The following ARHGAP26 variants were observed in gnomAD, a reference collection of about 807,000 sequenced individuals.
ARHGAP26 encodes rho GTPase-activating protein 26.
In ARHGAP26, 38 loss-of-function variants were observed where a neutral mutation model predicts 104.8. The ratio of observed to expected loss-of-function variants is 0.36; its 90% CI spans 0.28 to 0.48. ARHGAP26 has a LOEUF of 0.48. Among genes scored for constraint, ARHGAP26 ranks in the 20% least tolerant of loss-of-function variants. ARHGAP26 has a pLI of 0.99. For synonymous variants in ARHGAP26, 341 were observed against 340.0 expected (o/e 1.00, Z -0.03); for missense variants, 704 against 947.9 (o/e 0.74, Z 3.38).
In ARHGAP26 at chr5:143,182,970, G is replaced by A. The variant is rs1421477281; in HGVS notation, c.1989-24228G>A. ...GGGAAGTGCCCCAGCAGGCCCCGTGGTTGTCTGGCTTTGTTGACTGTCTGA... is the reference window on the plus strand; with the variant it reads ...GGGAAGTGCCCCAGCAGGCCCCGTGATTGTCTGGCTTTGTTGACTGTCTGA... On this transcript the variant is annotated intron_variant, in intron 20 of 22. Coordinates refer to ENST00000645722, the MANE Select transcript of ARHGAP26 (RefSeq NM_001135608.3). Among the ~76,000 whole-genome samples the A allele has an allele frequency of 6.6e-5, 10 of 150,384 alleles. No homozygotes were observed. In the East Asian group the frequency reaches 1.8e-3, roughly 27 times the overall value.
intron 1 of ARHGAP26, among the ~76,000 whole-genome samples, chr5:142,830,112 A>G (rs536835308): frequency 1.3e-5 from 2 of 152,368 alleles, no homozygotes; most frequent in Admixed American, 1.3e-4. Context: ...GCCAAGCCTC[A>G]GGAACATAGC....
At chr5:143,052,839 T>G (rs1257836422) in intron 14 of ARHGAP26, among the ~76,000 whole-genome samples, 3 of 152,216 alleles carry the variant, frequency 2.0e-5, no homozygotes, top group Non-Finnish European at 4.4e-5. Flanking sequence ...GAAAGGCTGT[T>G]GGTCCTGCAG....
rs1043856615 is a variant in ARHGAP26 at position 142,959,217 on chromosome 5, G to A, written c.1107+27092G>A. ...CATTTGTACAGATGATAGAACAAAA[G>A]CACATTCATTTATTTTATCATTCTT... On this transcript the variant is annotated intron_variant, in intron 11 of 22. Coordinates refer to ENST00000645722, the MANE Select transcript of ARHGAP26 (RefSeq NM_001135608.3). Among the ~76,000 whole-genome samples the A allele has an allele frequency of 7.9e-5, 12 of 152,174 alleles. 1 individual carries two copies. Among genetic ancestry groups the A allele is most frequent in the Admixed American group, 3.9e-4 (6 of 15,282 alleles).
chr5:142,913,035 C>G (rs150046234), intron 9 of ARHGAP26, among the ~76,000 whole-genome samples, 164 bp from the exon 10 acceptor site: 28 of 152,296 alleles, frequency 1.8e-4, no homozygotes, highest in Non-Finnish European at 4.0e-4. Flanking sequence ...CTGCATGAGG[C>G]TTTGTCCTGG....
intron 19 of ARHGAP26, among the ~76,000 whole-genome samples, chr5:143,138,651 A>G (rs972546518): frequency 3.9e-5 from 6 of 152,194 alleles, no homozygotes; most frequent in African/African-American, 1.4e-4. Context: ...AGAGAACTGT[A>G]GAAAGGTGAT....
In ARHGAP26 at chr5:143,189,332, C is replaced by A. The variant is rs77529614; in HGVS notation, c.1989-17866C>A. On this transcript the variant is annotated intron_variant, in intron 20 of 22. Transcript: ENST00000645722. ...AAAAAAGATGCACTTGGGCTTAAGACAGTGAGCCCTCAGCAGTCTACTTTG... is the reference window on the plus strand; with the variant it reads ...AAAAAAGATGCACTTGGGCTTAAGAAAGTGAGCCCTCAGCAGTCTACTTTG... Among the ~76,000 whole-genome samples the A allele has an allele frequency of 4.0e-3, 606 of 152,308 alleles. 7 individuals are homozygous for A. In the South Asian group the frequency reaches 0.054, roughly 14 times the overall value.
intron 8 of ARHGAP26, 172 bp from the exon 9 acceptor site, chr5:142,907,532 G>A (rs1349994505): frequency 8.2e-6 from 3 of 365,454 alleles, no homozygotes; most frequent in Middle Eastern, 1.5e-3. Context: ...GAGCCTGTGG[G>A]ATCAGATTTC....
intron 12 of ARHGAP26, 140 bp downstream of exon 12, chr5:143,014,256 C>T (rs1779287893): frequency 1.1e-6 from 1 of 878,504 alleles, no homozygotes; most frequent in South Asian, 1.4e-5. Flanking sequence ...TGGGACATGC[C>T]TCCACCCCAA....
intron 4 of ARHGAP26, among the ~76,000 whole-genome samples, chr5:142,882,299 C>G (rs1307572552): frequency 6.6e-6 from 1 of 152,186 alleles, no homozygotes; most frequent in Non-Finnish European, 1.5e-5. Flanking sequence ...GAGTGAACTC[C>G]TATCAAATGC....
intron 1 of ARHGAP26, among the ~76,000 whole-genome samples, chr5:142,800,529 A>G (rs771083151): frequency 4.0e-5 from 6 of 151,754 alleles, no homozygotes; most frequent in Non-Finnish European, 8.8e-5. Flanking sequence ...CGCTCAGCTA[A>G]TTTTTGTATT....
intron 1 of ARHGAP26, among the ~76,000 whole-genome samples, chr5:142,837,078 T>C (rs1769724020): frequency 6.6e-6 from 1 of 152,236 alleles, no homozygotes; most frequent in East Asian, 1.9e-4. Flanking sequence ...AAATTCATTA[T>C]CTGGAACTTC....
chr5:142,913,744 C>G (rs1404699349), intron 10 of ARHGAP26, among the ~76,000 whole-genome samples: 2 of 152,074 alleles, frequency 1.3e-5, no homozygotes, highest in Non-Finnish European at 2.9e-5. Context: ...AATAAAAAAA[C>G]AGCTTTTAGT....
At chr5:143,138,302 G>C (rs867542540) in intron 19 of ARHGAP26, among the ~76,000 whole-genome samples, 16 of 152,322 alleles carry the variant, frequency 1.1e-4, no homozygotes, top group African/African-American at 3.8e-4. Flanking sequence ...TAGGCAATGT[G>C]TGATGGAAAT....
At chr5:143,151,609 T>C (rs1599252840) in intron 20 of ARHGAP26, among the ~76,000 whole-genome samples, 2 of 152,244 alleles carry the variant, frequency 1.3e-5, no homozygotes, top group South Asian at 4.2e-4. Context: ...AAAAGTGAAC[T>C]CTCCAGCCAT....
At chr5:142,990,902 C>CG (rs1775501646) in intron 11 of ARHGAP26, among the ~76,000 whole-genome samples, 1 of 152,158 alleles carries the variant, frequency 6.6e-6, no homozygotes, top group Non-Finnish European at 1.5e-5. Context: ...TTAGGCTACT[C>CG]GGGGGTCAGG....
At chr5:143,140,292 C>T (rs1206514589) in intron 19 of ARHGAP26, among the ~76,000 whole-genome samples, 1 of 152,098 alleles carries the variant, frequency 6.6e-6, no homozygotes, top group African/African-American at 2.4e-5. Context: ...GTTTGGAGCA[C>T]CCTGGCATGG....
chr5:143,148,961 C>T (rs1799478058), intron 20 of ARHGAP26, among the ~76,000 whole-genome samples: 1 of 152,150 alleles, frequency 6.6e-6, no homozygotes, highest in Admixed American at 6.5e-5. Flanking sequence ...TGGCTGGTAA[C>T]TGTGGGCCCC....
chr5:143,012,827 GT>G (rs756361423), intron 11 of ARHGAP26, among the ~76,000 whole-genome samples: 1 of 150,766 alleles, frequency 6.6e-6, no homozygotes, highest in Non-Finnish European at 1.5e-5. Flanking sequence ...CTAATTTTTT[GT>G]GTTTTTTAGT....
At chr5:142,953,608 C>T (rs1184628427) in intron 11 of ARHGAP26, among the ~76,000 whole-genome samples, 1 of 152,212 alleles carries the variant, frequency 6.6e-6, no homozygotes, top group African/African-American at 2.4e-5. Flanking sequence ...AGAACACTGC[C>T]TGTTACGCTG....
Sources: allele counts gnomAD v4.1 joint callset (sites outside exome capture counted in the v4.1 genomes callset), GRCh38; gene constraint gnomAD v4.1.1; transcripts MANE v1.5; gene names NCBI Gene and HGNC (gene_info 2026-07-23, HGNC 2026-07-21).